Variants in KLHL7 observed in about 807,000 individuals in gnomAD.
KLHL7 encodes kelch-like protein 7.
Under a neutral mutation model 67.4 loss-of-function variants are expected in KLHL7, and 44 were observed. The observed-to-expected ratio is 0.65, with a 90% CI of 0.51 to 0.84. The LOEUF is 0.84. KLHL7 is among the 40% of genes least tolerant of loss of function. The pLI is 0.00. For missense variants in KLHL7, 362 were observed against 718.1 expected (o/e 0.50, Z 5.67); for synonymous variants, 252 against 243.3 (o/e 1.04, Z -0.33).
intron 7 of KLHL7, among the ~76,000 whole-genome samples, chr7:23,159,060 T>C (rs887303354): frequency 3.9e-5 from 6 of 152,156 alleles, no homozygotes; most frequent in African/African-American, 1.4e-4. Flanking sequence ...CCCAAAAGTA[T>C]TGTATAACTG....
At chr7:23,173,091 G>A in intron 10 of KLHL7, 46 bp downstream of exon 10, 1 of 1,304,612 alleles carries the variant, frequency 7.7e-7, no homozygotes, top group Non-Finnish European at 1.1e-6. Flanking sequence ...TGAGTTTGCT[G>A]ATACTTCCTT....
At chr7:23,169,881 A>C (rs1253082192) in intron 9 of KLHL7, among the ~76,000 whole-genome samples, 2 of 152,078 alleles carry the variant, frequency 1.3e-5, no homozygotes, top group East Asian at 3.8e-4. Flanking sequence ...TAATTATCCA[A>C]CTCTCAAAAT....
At chr7:23,154,782 G>A (rs73086142) in intron 7 of KLHL7, among the ~76,000 whole-genome samples, 8,294 of 152,222 alleles carry the variant, frequency 0.054, 594 homozygotes, top group East Asian at 0.34. Flanking sequence ...AGAAATATGC[G>A]TTAGCCAAAG....
At chr7:23,109,802 G>C (rs1583630687) in intron 1 of KLHL7, among the ~76,000 whole-genome samples, 1 of 152,150 alleles carries the variant, frequency 6.6e-6, no homozygotes, top group East Asian at 1.9e-4. Context: ...TACATGCTTT[G>C]TCTCATTTAA....
chr7:23,128,437 AAAAAAAAAAAAAAAG>A (rs1279323628), intron 4 of KLHL7, among the ~76,000 whole-genome samples: 1 of 50,690 alleles, frequency 2.0e-5, no homozygotes, highest in Non-Finnish European at 3.8e-5. Flanking sequence ...AAAAAAAAAA[AAAAAAAAAAAAAAAG>A]AACTTTAACT....
chr7:23,150,065 G>A (rs1289110670), intron 6 of KLHL7, among the ~76,000 whole-genome samples: 3 of 152,180 alleles, frequency 2.0e-5, no homozygotes, highest in Non-Finnish European at 4.4e-5. Context: ...AGGCTGATGT[G>A]AGAGGACTGC....
At chr7:23,124,834 G>C (rs531353344) in intron 3 of KLHL7, 53 bp downstream of exon 3, 21 of 1,264,520 alleles carry the variant, frequency 1.7e-5, no homozygotes, top group East Asian at 1.4e-4. Context: ...ATCTACCATG[G>C]CAAAGCATTG....
At chr7:23,152,302 CT>C in intron 7 of KLHL7, 93 bp downstream of exon 7, 1 of 1,110,924 alleles carries the variant, frequency 9.0e-7, no homozygotes, top group Non-Finnish European at 1.4e-6. Flanking sequence ...TAACTCATAC[CT>C]TTAGAGATGA....
intron 1 of KLHL7, among the ~76,000 whole-genome samples, chr7:23,122,388 A>G (rs771812741): frequency 6.6e-6 from 1 of 151,668 alleles, no homozygotes; most frequent in South Asian, 2.1e-4. Flanking sequence ...TTTGACCTCC[A>G]AGGCAACTTG....
chr7:23,124,004 G>T (rs1270500955), intron 2 of KLHL7, 125 bp downstream of exon 2: 1 of 724,218 alleles, frequency 1.4e-6, no homozygotes, highest in African/African-American at 1.8e-5. Flanking sequence ...GAACAGTGAA[G>T]AGATTGAAAA....
At chr7:23,157,656 TTTG>T (rs1355007360) in intron 7 of KLHL7, among the ~76,000 whole-genome samples, 1 of 152,140 alleles carries the variant, frequency 6.6e-6, no homozygotes, top group Non-Finnish European at 1.5e-5. Flanking sequence ...GGTCGGTAGT[TTTG>T]TTCTAAAATC....
rs964688763 is a variant in KLHL7, at chr7:23,177,548, A to G, written c.*3250A>G. 2 of 152,110 alleles carry G rather than the reference A, an allele frequency of 1.3e-5. No homozygotes were observed. Among genetic ancestry groups the G allele is most frequent in the East Asian group, 1.9e-4 (1 of 5,190 alleles). 9.4% of individuals were successfully genotyped at this position (152,110 alleles called of 1,614,324 possible). A position where few individuals can be genotyped will look rare whatever the true frequency, so the allele number is the denominator to read the frequency against. ...ATATCAGGATAGTGCGTAAAAGTAC[A>G]CTCACCATACTGACAAGCACATTTT... On this transcript the variant is annotated 3_prime_UTR_variant, in exon 11 of 11. Transcript: ENST00000339077.
intron 7 of KLHL7, among the ~76,000 whole-genome samples, chr7:23,160,113 G>A (rs1784817275): frequency 6.6e-6 from 1 of 152,114 alleles, no homozygotes; most frequent in African/African-American, 2.4e-5. Flanking sequence ...TGTTTCATTG[G>A]TGAGAACGTT....
chr7:23,105,966 CAG>C lies in KLHL7; in HGVS notation c.-56_-55del, dbSNP rs773313715. On this transcript the variant is annotated 5_prime_UTR_variant, in exon 1 of 11. Transcript: ENST00000339077. The stretch of plus-strand genomic sequence containing the variant: ...TGGTCGATAGAATCCCCAGTGTGCC[CAG>C]AGAGTGCGACCCCTCGCCCGGCCCG... 37 of 1,582,660 alleles carry C rather than the reference CAG, an allele frequency of 2.3e-5. No homozygotes were observed. In the East Asian group the frequency reaches 5.7e-4, roughly 24 times the overall value.
intron 9 of KLHL7, among the ~76,000 whole-genome samples, chr7:23,169,566 T>C (rs990320093): frequency 3.9e-5 from 6 of 152,120 alleles, no homozygotes; most frequent in Admixed American, 1.3e-4. Flanking sequence ...TTCTAAAAAA[T>C]CTCTTAAAAG....
intron 9 of KLHL7, 191 bp downstream of exon 9, chr7:23,168,228 G>A (rs1299001836): frequency 5.0e-6 from 3 of 600,382 alleles, no homozygotes; most frequent in Non-Finnish European, 8.8e-6. Flanking sequence ...GAAATGGCTT[G>A]AACTTACACC....
intron 5 of KLHL7, among the ~76,000 whole-genome samples, chr7:23,141,614 A>G (rs1784184499): frequency 6.6e-6 from 1 of 151,370 alleles, no homozygotes; most frequent in Non-Finnish European, 1.5e-5. Flanking sequence ...TATTTAATTC[A>G]TTCATTCATT....
At chr7:23,111,788 C>T (rs1315815075) in intron 1 of KLHL7, among the ~76,000 whole-genome samples, 1 of 142,696 alleles carries the variant, frequency 7.0e-6, no homozygotes, top group Non-Finnish European at 1.5e-5. Context: ...CACCATTGCA[C>T]TCCAGCCTGG....
chr7:23,129,147 GGCAC>G, intron 4 of KLHL7: 1 of 165,626 alleles, frequency 6.0e-6, no homozygotes, highest in South Asian at 1.6e-4. Context: ...CCCTACAGTT[GGCAC>G]AGCCTGGGCC....
Sources: allele counts gnomAD v4.1 joint callset (sites outside exome capture counted in the v4.1 genomes callset), GRCh38; gene constraint gnomAD v4.1.1; transcripts MANE v1.5; gene names NCBI Gene and HGNC (gene_info 2026-07-23, HGNC 2026-07-21).